ASAP2: variants seen among roughly 807,000 people sequenced by gnomAD.
ASAP2 encodes arf-GAP with SH3 domain, ANK repeat and PH domain-containing protein 2.
Under a neutral mutation model 131.4 loss-of-function variants are expected in ASAP2, and 45 were observed. The observed-to-expected ratio is 0.34, with a 90% confidence interval of 0.27 to 0.44. ASAP2 has a LOEUF of 0.44. ASAP2 is among the 20% of genes least tolerant of loss of function. The pLI, the probability that ASAP2 is intolerant of heterozygous loss-of-function variation, is 1.00. For synonymous variants in ASAP2, 510 were observed against 503.0 expected, an observed-to-expected ratio of 1.01 and a Z score of -0.19; for missense variants, 1,011 against 1,297.0, an observed-to-expected ratio of 0.78 and a Z score of 3.39.
At chr2:9,380,012 G>C (rs924166599) in intron 19 of ASAP2, among the ~76,000 whole-genome samples, 16 of 150,944 alleles carry the variant, frequency 1.1e-4, no homozygotes, top group Admixed American at 6.6e-4. Flanking sequence ...AATAAATAAA[G>C]TATATACTTT....
intron 1 of ASAP2, among the ~76,000 whole-genome samples, chr2:9,272,233 C>G (rs1048522306): frequency 6.6e-6 from 1 of 152,156 alleles, no homozygotes; most frequent in Admixed American, 6.5e-5. Flanking sequence ...TATTGCCTGC[C>G]TTTTGCCTAT....
At chr2:9,400,518 C>G (rs577803863) in intron 25 of ASAP2, among the ~76,000 whole-genome samples, 1 of 151,444 alleles carries the variant, frequency 6.6e-6, no homozygotes, top group East Asian at 2.0e-4. Context: ...CCTGGGGCCC[C>G]TCACCTGTCC....
chr2:9,299,919 G>A (rs1159891986), intron 3 of ASAP2, among the ~76,000 whole-genome samples: 1 of 152,134 alleles, frequency 6.6e-6, no homozygotes, highest in Non-Finnish European at 1.5e-5. Flanking sequence ...AGATAACTGA[G>A]GCCCTGAATG....
Position 9,311,357 on chromosome 2 carries a change from C to CA in ASAP2, c.346-7156dup, listed in dbSNP as rs35796016. On this transcript the variant is annotated intron_variant, in intron 3 of 27. Transcript: ENST00000281419. This position sits in a 1 kb window ranked among gnomAD's most constrained non-coding sequence, Gnocchi z 5.2. Reference sequence around the variant, plus strand: ...CCATCCTGGGTGAGAGGCACTCTCTCAAAAAAAAAAAGAAAAAAAAAGTTT... The same window carrying CA: ...CCATCCTGGGTGAGAGGCACTCTCTCAAAAAAAAAAAAGAAAAAAAAAGTTT... Among the ~76,000 whole-genome samples the CA allele has an allele frequency of 4.9e-4, 68 of 138,712 alleles. No individual in the cohort carries two copies. Among genetic ancestry groups the CA allele is most frequent in the East Asian group, 2.2e-3 (10 of 4,518 alleles). The allele number at this position is 138,712 out of a possible 152,430, so 91.0% of individuals were successfully genotyped here.
intron 1 of ASAP2, among the ~76,000 whole-genome samples, chr2:9,222,992 C>T (rs910108970): frequency 6.6e-5 from 10 of 152,244 alleles, no homozygotes; most frequent in Admixed American, 4.6e-4. Flanking sequence ...TGTGTTTTCT[C>T]TTTAAAAGAT....
rs747596392 is a variant in ASAP2, at chr2:9,292,181, A to G, written c.200-5119A>G. On this transcript the variant is annotated intron_variant, in intron 2 of 27. Transcript: ENST00000281419. ...TAGCAGCCCTGAGGAGGTGGGGACAATGAGACCTGTGCTGCCCTGTGGCGA... is the reference window on the plus strand; with the variant it reads ...TAGCAGCCCTGAGGAGGTGGGGACAGTGAGACCTGTGCTGCCCTGTGGCGA... 9.2e-5 allele frequency among the ~76,000 whole-genome samples: 14 copies of G among 152,236 alleles called. No individual in the cohort carries two copies. The Middle Eastern group carries it at 0.017, about 185-fold the overall frequency.
chr2:9,360,451 A>G (rs1673004681), intron 15 of ASAP2, among the ~76,000 whole-genome samples: 1 of 152,214 alleles, frequency 6.6e-6, no homozygotes, highest in African/African-American at 2.4e-5. Flanking sequence ...AGCCTGGGAC[A>G]CAAATTGGCA....
intron 1 of ASAP2, among the ~76,000 whole-genome samples, chr2:9,247,172 C>T (rs1664395146): frequency 6.6e-6 from 1 of 152,188 alleles, no homozygotes. Flanking sequence ...GAAAGGTCTT[C>T]TTCCTGACAG....
At chr2:9,335,050 T>C in intron 8 of ASAP2, 43 bp from the exon 9 acceptor site, 1 of 1,591,634 alleles carries the variant, frequency 6.3e-7, no homozygotes, top group Admixed American at 1.7e-5. Context: ...TACCTCAGTC[T>C]TAATTTTCTG....
chr2:9,390,057 T>G (rs533254352), intron 22 of ASAP2, among the ~76,000 whole-genome samples: 1 of 152,248 alleles, frequency 6.6e-6, no homozygotes, highest in Non-Finnish European at 1.5e-5. Context: ...CACTGGGTCA[T>G]GGAGGGGTAA....
chr2:9,223,073 C>T (rs1358075573), intron 1 of ASAP2, among the ~76,000 whole-genome samples: 1 of 152,362 alleles, frequency 6.6e-6, no homozygotes, highest in South Asian at 2.1e-4. Context: ...CTTCCTGCAT[C>T]TCTCAAGTCA....
intron 1 of ASAP2, among the ~76,000 whole-genome samples, chr2:9,247,721 A>T (rs772722253): frequency 6.6e-6 from 1 of 152,232 alleles, no homozygotes; most frequent in African/African-American, 2.4e-5. Flanking sequence ...GACGCGGAGT[A>T]GGTGTTCAGT....
chr2:9,375,864 G>T (rs1381230633), intron 17 of ASAP2, among the ~76,000 whole-genome samples: 3 of 152,204 alleles, frequency 2.0e-5, no homozygotes, highest in Admixed American at 2.0e-4. Flanking sequence ...ACCCCACTGT[G>T]CTCCCCCTCA....
chr2:9,249,975 A>G (rs750246566), intron 1 of ASAP2, among the ~76,000 whole-genome samples: 1 of 152,238 alleles, frequency 6.6e-6, no homozygotes, highest in Non-Finnish European at 1.5e-5. Flanking sequence ...GAAGGAAGGC[A>G]GGGCTTGGGG....
At chr2:9,321,883 T>C (rs1670169132) in intron 5 of ASAP2, among the ~76,000 whole-genome samples, 1 of 152,148 alleles carries the variant, frequency 6.6e-6, no homozygotes, top group Non-Finnish European at 1.5e-5. Flanking sequence ...GTAGGATAAA[T>C]AAAGGAAATA....
intron 11 of ASAP2, 27 bp from the exon 12 acceptor site, chr2:9,350,781 T>G: frequency 6.2e-7 from 1 of 1,601,556 alleles, no homozygotes; most frequent in Non-Finnish European, 8.5e-7. Flanking sequence ...ACCCCAACCT[T>G]TTTTGTTGTT....
chr2:9,334,039 C>CTTTTTTT (rs35495550), intron 7 of ASAP2, among the ~76,000 whole-genome samples: 1 of 53,248 alleles, frequency 1.9e-5, no homozygotes, highest in African/African-American at 7.1e-5. Flanking sequence ...TGTCTTTCTC[C>CTTTTTTT]TTTTTTTTTT....
chr2:9,244,703 C>A (rs1664216308), intron 1 of ASAP2, among the ~76,000 whole-genome samples: 1 of 152,196 alleles, frequency 6.6e-6, no homozygotes, highest in African/African-American at 2.4e-5. Context: ...GTGCCAGTGA[C>A]ACTTAGGGAC....
chr2:9,327,754 C>A, intron 6 of ASAP2, 72 bp from the exon 7 acceptor site: 2 of 1,096,492 alleles, frequency 1.8e-6, no homozygotes, highest in Non-Finnish European at 2.6e-6. Flanking sequence ...GAAATCATCT[C>A]AGTCCTCAGA....
Sources: allele counts gnomAD v4.1 joint callset (sites outside exome capture counted in the v4.1 genomes callset), GRCh38; gene constraint gnomAD v4.1.1; non-coding constraint Gnocchi (gnomAD v3.1); transcripts MANE v1.5; gene names NCBI Gene and HGNC (gene_info 2026-07-23, HGNC 2026-07-21).